The following NTM variants were observed in gnomAD, a reference collection of about 807,000 sequenced individuals.
The protein encoded by NTM is IgLON family member 2.
In NTM, 13 loss-of-function variants were observed where a neutral mutation model predicts 42.1. The observed-to-expected ratio is 0.31, with a 90% CI of 0.20 to 0.49. The LOEUF (loss-of-function observed/expected upper bound fraction) is 0.49. Among genes scored for constraint, NTM ranks in the 20% least tolerant of loss-of-function variants. NTM has a pLI of 0.99. For missense variants in NTM, 373 were observed against 452.8 expected (o/e 0.82, Z 1.60); for synonymous variants, 187 against 179.2 (o/e 1.04, Z -0.35).
At chr11:131,706,500 A>G (rs754004442) in intron 1 of NTM, among the ~76,000 whole-genome samples, 7 of 152,044 alleles carry the variant, frequency 4.6e-5, no homozygotes, top group African/African-American at 1.2e-4. Context: ...CCTAAAAAAC[A>G]TAAAGAACAT....
intron 1 of NTM, among the ~76,000 whole-genome samples, chr11:131,839,947 G>A (rs1007385117): frequency 2.6e-5 from 4 of 152,180 alleles, no homozygotes; most frequent in South Asian, 2.1e-4. Context: ...CAGGGAGGGG[G>A]CAGCAGATCT....
At position 131,753,297 on chromosome 11, in the gene NTM, T is replaced by C. The variant is rs574540450; in HGVS notation, c.83-158267T>C. Reference sequence around the variant, plus strand: ...AACACTTTTACACTGTTGGTGGGACTGTAAACTAGTTCAACCATTGTGGAA... The same window carrying C: ...AACACTTTTACACTGTTGGTGGGACCGTAAACTAGTTCAACCATTGTGGAA... On this transcript the variant is annotated intron_variant, in intron 1 of 8. Transcript: ENST00000683400. Among the ~76,000 whole-genome samples, 1,315 of 152,092 alleles carry C rather than the reference T, an allele frequency of 8.6e-3. 14 individuals are homozygous for C. Among genetic ancestry groups the C allele is most frequent in the African/African-American group, 0.027 (1,126 of 41,418 alleles).
At chr11:131,581,180 C>T (rs932414170) in intron 1 of NTM, among the ~76,000 whole-genome samples, 3 of 152,238 alleles carry the variant, frequency 2.0e-5, no homozygotes, top group African/African-American at 4.8e-5. Context: ...CTCTTTTCCC[C>T]TTGGTGGGCG....
At chr11:132,056,900 T>A (rs2079767085) in intron 2 of NTM, among the ~76,000 whole-genome samples, 1 of 152,178 alleles carries the variant, frequency 6.6e-6, no homozygotes, top group African/African-American at 2.4e-5. Context: ...GTCGCCTTGA[T>A]GAATGAGTCA....
chr11:131,884,265 C>A (rs903122532), intron 1 of NTM, among the ~76,000 whole-genome samples: 1 of 151,668 alleles, frequency 6.6e-6, no homozygotes, highest in African/African-American at 2.4e-5. Flanking sequence ...CAAAATTAGC[C>A]GGACATGGTG....
At chr11:132,049,254 C>G (rs781464429) in intron 2 of NTM, among the ~76,000 whole-genome samples, 27 of 152,132 alleles carry the variant, frequency 1.8e-4, no homozygotes, top group Non-Finnish European at 3.5e-4. Context: ...CTCCAAGTGA[C>G]CCCTGGAGGA....
chr11:131,952,362 A>G (rs1020080335), intron 2 of NTM, among the ~76,000 whole-genome samples: 7 of 152,194 alleles, frequency 4.6e-5, no homozygotes, highest in Admixed American at 1.3e-4. Flanking sequence ...AATACTTCCT[A>G]CAAGTTTAAA....
rs1438044782 is a variant in NTM at position 131,585,933 on chromosome 11, G to T, written c.82+215045G>T. Among the ~76,000 whole-genome samples, 3 of 152,122 alleles carry T rather than the reference G, an allele frequency of 2.0e-5. No homozygotes were observed. The East Asian group carries it at 5.8e-4, about 29-fold the overall frequency. ...CCAATTTGCCAGAACCTAACTCAAG[G>T]CTTCCATCCCCACAAGTTCTCTCTG... On this transcript the variant is annotated intron_variant, in intron 1 of 8. Coordinates refer to ENST00000683400, the MANE Select transcript of NTM (RefSeq NM_001352005.2).
intron 4 of NTM, among the ~76,000 whole-genome samples, chr11:132,253,229 T>C (rs2092153504): frequency 6.6e-6 from 1 of 152,210 alleles, no homozygotes; most frequent in Non-Finnish European, 1.5e-5. Context: ...TGAGGGCCTG[T>C]TAATCTCCTA....
At chr11:131,946,526 A>G (rs2060362363) in intron 2 of NTM, among the ~76,000 whole-genome samples, 1 of 152,226 alleles carries the variant, frequency 6.6e-6, no homozygotes, top group African/African-American at 2.4e-5. Context: ...GCCTGTTGCT[A>G]AAAGCTAGAG....
At chr11:132,081,948 T>TTTA (rs2059122478) in intron 2 of NTM, among the ~76,000 whole-genome samples, 1 of 144,202 alleles carries the variant, frequency 6.9e-6, no homozygotes, top group African/African-American at 2.5e-5. Context: ...ATATATATAT[T>TTTA]TATATATATA....
At chr11:131,957,397 C>G (rs1358640470) in intron 2 of NTM, among the ~76,000 whole-genome samples, 1 of 152,144 alleles carries the variant, frequency 6.6e-6, no homozygotes. Flanking sequence ...AAAGCCAGTT[C>G]CCCTCCAACT....
At chr11:131,957,346 GGAAGTAAT>G (rs1424508209) in intron 2 of NTM, among the ~76,000 whole-genome samples, 1 of 152,140 alleles carries the variant, frequency 6.6e-6, no homozygotes, top group Non-Finnish European at 1.5e-5. Flanking sequence ...GGCTTTGAAG[GGAAGTAAT>G]GCAACTTGGC....
rs547976331 is a variant in NTM, at chr11:131,415,239, C to T, written c.82+44351C>T. On this transcript the variant is annotated intron_variant, in intron 1 of 8. Transcript: ENST00000683400. ...GGCACCTTTCTACAAAGAGAATCTC[C>T]TCGCAGTGCCCAATATATAAAGCAG... is the stretch of plus-strand genomic sequence containing the variant. 5.3e-5 allele frequency among the ~76,000 whole-genome samples: 8 copies of T among 152,278 alleles called. No individual in the cohort carries two copies. The East Asian group carries it at 5.8e-4, about 11-fold the overall frequency.
intron 3 of NTM, among the ~76,000 whole-genome samples, chr11:132,156,618 A>G (rs1376595581): frequency 1.3e-5 from 2 of 152,212 alleles, no homozygotes; most frequent in Non-Finnish European, 1.5e-5. Flanking sequence ...GAGCTCAGGG[A>G]CTATTTGTTG....
At chr11:131,920,964 T>C (rs1481691451) in intron 2 of NTM, among the ~76,000 whole-genome samples, 1 of 152,150 alleles carries the variant, frequency 6.6e-6, no homozygotes, top group African/African-American at 2.4e-5. Flanking sequence ...TTCAGAATAA[T>C]CATCTTTGGA....
chr11:131,754,049 G>A (rs1284790727), intron 1 of NTM, among the ~76,000 whole-genome samples: 11 of 143,902 alleles, frequency 7.6e-5, no homozygotes, highest in African/African-American at 2.6e-4. Context: ...ACCAAACACC[G>A]CATGTTCTCA....
chr11:132,243,191 C>T (rs2090508531), intron 4 of NTM, among the ~76,000 whole-genome samples: 1 of 152,086 alleles, frequency 6.6e-6, no homozygotes, highest in Admixed American at 6.5e-5. Context: ...AATTACTGCT[C>T]AAATCTTTGA....
intron 1 of NTM, among the ~76,000 whole-genome samples, chr11:131,610,179 T>G (rs1215660189): frequency 1.3e-5 from 2 of 152,130 alleles, no homozygotes; most frequent in Non-Finnish European, 2.9e-5. Context: ...ATAAACCTAG[T>G]TCAAGCAAAG....
Sources: gnomAD v4.1 joint callset for allele counts (sites outside exome capture counted in the v4.1 genomes callset) on GRCh38, gnomAD v4.1.1 for gene constraint, MANE v1.5 for transcripts, NCBI Gene and HGNC (gene_info 2026-07-23, HGNC 2026-07-21) for gene names.